The following CCNL1 variants were observed in gnomAD, a reference collection of about 807,000 sequenced individuals.
The protein encoded by CCNL1 is cyclin L1, also known as cyclin-L1.
Under a neutral mutation model 60.6 loss-of-function variants are expected in CCNL1, and 13 were observed. The observed-to-expected ratio is 0.21, with a 90% CI of 0.14 to 0.34. The LOEUF (loss-of-function observed/expected upper bound fraction) is 0.34. Among genes scored for constraint, CCNL1 ranks in the 10% least tolerant of loss-of-function variants. The pLI is 1.00. For synonymous variants in CCNL1, 270 were observed against 244.3 expected, an observed-to-expected ratio of 1.10 and a Z score of -0.98; for missense variants, 481 against 664.3, an observed-to-expected ratio of 0.72 and a Z score of 3.03.
intron 2 of CCNL1, chr3:157,159,185 G>A: frequency 3.2e-6 from 2 of 631,076 alleles, no homozygotes; most frequent in East Asian, 2.7e-5. Flanking sequence ...CAGGAGTTCT[G>A]CATTTGGTTG....
chr3:157,149,157 A>G, intron 10 of CCNL1, 130 bp downstream of exon 10: 1 of 659,684 alleles, frequency 1.5e-6, no homozygotes, highest in Non-Finnish European at 2.6e-6. Flanking sequence ...CATTTCTCAT[A>G]ATTTGCCTCA....
downstream of CCNL1, among the ~76,000 whole-genome samples, chr3:157,145,387 G>A (rs887512573): frequency 3.2e-5 from 4 of 125,140 alleles, no homozygotes; most frequent in East Asian, 5.2e-4. Context: ...GCAGTAACCC[G>A]AGATCGTGCC....
intron 5 of CCNL1, chr3:157,151,180 AAAT>A (rs1039927045): frequency 6.1e-5 from 60 of 984,934 alleles, no homozygotes; most frequent in Non-Finnish European, 6.4e-5. Context: ...CATTTTATAA[AAAT>A]AATGAGACTT....
chr3:157,159,113 G>A (rs751776177), intron 2 of CCNL1, 138 bp from the exon 3 acceptor site: 5 of 648,348 alleles, frequency 7.7e-6, no homozygotes, highest in Non-Finnish European at 1.3e-5. Context: ...AGCTATGCTA[G>A]TACTATACTT....
intron 3 of CCNL1, chr3:157,154,103 G>A (rs1038032965): frequency 3.9e-5 from 6 of 152,126 alleles, no homozygotes; most frequent in African/African-American, 7.2e-5. Context: ...TATGTCAGTG[G>A]TTTAATGCTT....
intron 4 of CCNL1, 182 bp from the exon 5 acceptor site, chr3:157,152,423 TTA>T: frequency 3.1e-6 from 4 of 1,292,878 alleles, no homozygotes; most frequent in Non-Finnish European, 3.0e-6. Context: ...TTTATATAAA[TTA>T]TGTTTAGAAG....
downstream of CCNL1, among the ~76,000 whole-genome samples, chr3:157,143,175 T>G (rs1178086543): frequency 6.6e-6 from 1 of 152,220 alleles, no homozygotes; most frequent in Non-Finnish European, 1.5e-5. Flanking sequence ...GTTTTTAATG[T>G]AAACATTTCC....
intron 1 of CCNL1, 55 bp from the exon 2 acceptor site, chr3:157,159,534 C>T (rs921150407): frequency 3.3e-6 from 5 of 1,499,320 alleles, no homozygotes; most frequent in Non-Finnish European, 4.6e-6. Flanking sequence ...CCGCTCCAGG[C>T]GCCGCCGCCA....
intron 3 of CCNL1, among the ~76,000 whole-genome samples, chr3:157,158,381 C>G (rs1226422495): frequency 6.6e-6 from 1 of 152,202 alleles, no homozygotes; most frequent in Non-Finnish European, 1.5e-5. Flanking sequence ...TATCGTAGTT[C>G]AATGTTGAGA....
intron 1 of CCNL1, 22 bp from the exon 2 acceptor site, chr3:157,159,501 G>C (rs771776196): frequency 4.4e-6 from 7 of 1,604,914 alleles, no homozygotes; most frequent in African/African-American, 2.7e-5. Flanking sequence ...AGAGGAGAAC[G>C]GAAGCGCAGG....
chr3:157,145,466 C>CAAAAAAAAAAA (rs1737755942), downstream of CCNL1, among the ~76,000 whole-genome samples: 40 of 88,974 alleles, frequency 4.5e-4, 3 homozygotes, highest in African/African-American at 1.2e-3. Context: ...AAAAAAAAAC[C>CAAAAAAAAAAA]AAAACGGGAT....
At position 157,152,352 on chromosome 3, in the gene CCNL1, G is replaced by A. The variant is rs1738257248; in HGVS notation, c.610-111C>T. On this transcript the variant is annotated intron_variant, in intron 4 of 10. Coordinates refer to ENST00000295926, the MANE Select transcript of CCNL1 (RefSeq NM_020307.4). Reference sequence around the variant, plus strand: ...TAGACTCAAGTTCTAATTGTGCATCGATAATACAGACCAATTTAAATGTAC... The same window carrying A: ...TAGACTCAAGTTCTAATTGTGCATCAATAATACAGACCAATTTAAATGTAC... The A allele has an allele frequency of 4.7e-6, 7 of 1,487,632 alleles. 1 individual carries two copies. In the South Asian group the frequency reaches 7.1e-5, roughly 15 times the overall value. The allele number at this position is 1,487,632 out of a possible 1,614,324, so 92.2% of individuals were successfully genotyped here. A position where few individuals can be genotyped will look rare whatever the true frequency, so the allele number is the denominator to read the frequency against.
chr3:157,147,306 C>T (rs747785992), downstream of CCNL1, among the ~76,000 whole-genome samples: 13 of 152,022 alleles, frequency 8.6e-5, no homozygotes, highest in Non-Finnish European at 1.3e-4. Flanking sequence ...ATAGAAATTC[C>T]GGCTTTTTCA....
At chr3:157,151,873 G>A in intron 5 of CCNL1, 6 of 1,220,506 alleles carry the variant, frequency 4.9e-6, no homozygotes, top group Non-Finnish European at 6.2e-6. Context: ...AGGCCATCCT[G>A]AGGTCATGGG....
intron 2 of CCNL1, 83 bp from the exon 3 acceptor site, chr3:157,159,058 C>A (rs1052271368): frequency 1.1e-6 from 1 of 903,934 alleles, no homozygotes; most frequent in Non-Finnish European, 1.8e-6. Context: ...ATTGGGACAA[C>A]CTTTAGTAAA....
At chr3:157,158,704 T>G (rs760214446) in intron 3 of CCNL1, 162 bp downstream of exon 3, 14 of 524,584 alleles carry the variant, frequency 2.7e-5, no homozygotes, top group Non-Finnish European at 1.0e-5. Flanking sequence ...TTTTTTCAAA[T>G]TATTTTAAGT....
downstream of CCNL1, among the ~76,000 whole-genome samples, chr3:157,143,931 T>C (rs1443067495): frequency 6.6e-6 from 1 of 152,170 alleles, no homozygotes; most frequent in South Asian, 2.1e-4. Context: ...GCAATGTGAT[T>C]AACACTTTAA....
chr3:157,149,772 A>G (rs1249824845), intron 8 of CCNL1, 64 bp downstream of exon 8: 1 of 1,564,302 alleles, frequency 6.4e-7, no homozygotes, highest in African/African-American at 1.4e-5. Flanking sequence ...TCAAATGTAA[A>G]AGCTCTCTAA....
chr3:157,149,729 A>C, intron 8 of CCNL1, 107 bp downstream of exon 8: 1 of 1,468,442 alleles, frequency 6.8e-7, no homozygotes, highest in Non-Finnish European at 9.3e-7. Flanking sequence ...ACATAGCAGC[A>C]GTTTCCTAAC....
Sources: allele counts gnomAD v4.1 joint callset (sites outside exome capture counted in the v4.1 genomes callset), GRCh38; gene constraint gnomAD v4.1.1; transcripts MANE v1.5; gene names NCBI Gene and HGNC (gene_info 2026-07-23, HGNC 2026-07-21).